Variants in AFDN observed in about 807,000 individuals in gnomAD.
AFDN encodes the protein afadin.
In AFDN, 68 loss-of-function variants were observed where a neutral mutation model predicts 216.6. That is an observed-to-expected ratio of 0.31 (90% CI 0.26 to 0.38). The LOEUF (loss-of-function observed/expected upper bound fraction) is 0.38. Among genes scored for constraint, AFDN ranks in the 10% least tolerant of loss-of-function variants. The pLI is 1.00. For synonymous variants in AFDN, 868 were observed against 853.7 expected, an observed-to-expected ratio of 1.02 and a Z score of -0.29; for missense variants, 2,136 against 2,342.0, an observed-to-expected ratio of 0.91 and a Z score of 1.82.
At chr6:167,954,749 G>GATTCCGTGT (rs1217410556) in intron 30 of AFDN, among the ~76,000 whole-genome samples, 1 of 152,158 alleles carries the variant, frequency 6.6e-6, no homozygotes, top group African/African-American at 2.4e-5. Flanking sequence ...GTCATAAATT[G>GATTCCGTGT]ATTCCGTGTA....
intron 19 of AFDN, among the ~76,000 whole-genome samples, chr6:167,916,506 ATAAT>A (rs988078156): frequency 2.0e-5 from 3 of 152,192 alleles, no homozygotes; most frequent in Non-Finnish European, 4.4e-5. Flanking sequence ...AAAATGGATG[ATAAT>A]TAACCCTCAA....
chr6:167,957,599 C>T (rs147073788), intron 30 of AFDN, among the ~76,000 whole-genome samples: 143 of 152,318 alleles, frequency 9.4e-4, no homozygotes, highest in African/African-American at 3.3e-3. Context: ...CCCATTGTGT[C>T]GTTAGGGCTT....
chr6:167,897,074 C>A, intron 10 of AFDN, 102 bp downstream of exon 10: 1 of 530,022 alleles, frequency 1.9e-6, no homozygotes, highest in East Asian at 3.5e-5. Context: ...TTATAATTAC[C>A]GACTTGTATT....
At chr6:167,948,600 T>C (rs909090465) in intron 29 of AFDN, 122 bp downstream of exon 29, 1 of 950,274 alleles carries the variant, frequency 1.1e-6, no homozygotes, top group Non-Finnish European at 1.5e-6. Context: ...CCTTTAATGG[T>C]TTTGTGGTTA....
At chr6:167,947,459 T>A (rs7761318) in intron 27 of AFDN, among the ~76,000 whole-genome samples, 1 of 152,044 alleles carries the variant, frequency 6.6e-6, no homozygotes, top group Non-Finnish European at 1.5e-5. Flanking sequence ...GATTACAGGC[T>A]TGAGCCACCA....
intron 1 of AFDN, among the ~76,000 whole-genome samples, chr6:167,829,140 T>C (rs1252080701): frequency 6.6e-6 from 1 of 152,180 alleles, no homozygotes; most frequent in African/African-American, 2.4e-5. Flanking sequence ...ATCTGAACAT[T>C]TCCATTTTTA....
chr6:167,832,582 G>A (rs1376000421), intron 1 of AFDN, among the ~76,000 whole-genome samples: 2 of 152,180 alleles, frequency 1.3e-5, no homozygotes, highest in Admixed American at 1.3e-4. Flanking sequence ...AATAAAGTGA[G>A]AATAAGCATA....
chr6:167,868,954 T>C (rs1483334558), intron 2 of AFDN, among the ~76,000 whole-genome samples: 5 of 151,412 alleles, frequency 3.3e-5, no homozygotes, highest in Non-Finnish European at 7.4e-5. Context: ...TTTTTTTTTT[T>C]CTGTGGAAAT....
At chr6:167,872,153 G>C in intron 3 of AFDN, 61 bp from the exon 4 acceptor site, 1 of 1,516,442 alleles carries the variant, frequency 6.6e-7, no homozygotes, top group Non-Finnish European at 8.9e-7. Flanking sequence ...TACCTAAGCC[G>C]TAGGCAATTT....
chr6:167,962,323 T>A lies in AFDN; in HGVS notation c.4834-110T>A, dbSNP rs533285008. ...TAACCTGGTATTTTATATTTAACTT[T>A]CTGTGTGTGTGTGTTTGTGTATATG... On this transcript the variant is annotated intron_variant, in intron 30 of 33. Coordinates refer to ENST00000683244, the MANE Select transcript of AFDN (RefSeq NM_001386888.1). This position sits in a 1 kb window ranked among gnomAD's most constrained non-coding sequence, Gnocchi z 5.2. 95 of 1,392,108 alleles carry A rather than the reference T, an allele frequency of 6.8e-5. 1 individual carries two copies. In the South Asian group the frequency reaches 1.5e-3, roughly 22 times the overall value. 86.2% of individuals were successfully genotyped at this position (1,392,108 alleles called of 1,614,324 possible).
At chr6:167,873,644 G>C (rs139331749) in intron 4 of AFDN, among the ~76,000 whole-genome samples, 87 of 152,312 alleles carry the variant, frequency 5.7e-4, no homozygotes, top group African/African-American at 2.0e-3. Flanking sequence ...TACTGTCATG[G>C]AGCCCAGAAG....
Position 167,907,051 on chromosome 6 carries a change from T to G in AFDN, c.1651-120T>G, listed in dbSNP as rs1442009190. On this transcript the variant is annotated intron_variant, in intron 12 of 33. Coordinates refer to ENST00000683244, the MANE Select transcript of AFDN (RefSeq NM_001386888.1). ...CCAGCATTGCTTTGTTATTTCCTGGTCTGTGTTCTTGCCTGCCCTGCTTGG... is the reference window on the plus strand; with the variant it reads ...CCAGCATTGCTTTGTTATTTCCTGGGCTGTGTTCTTGCCTGCCCTGCTTGG... 6 of 690,288 alleles carry G rather than the reference T, an allele frequency of 8.7e-6. No homozygotes were observed. In the East Asian group the frequency reaches 1.6e-4, roughly 18 times the overall value. The allele number at this position is 690,288 out of a possible 1,614,324, so 42.8% of individuals were successfully genotyped here.
At position 167,915,428 on chromosome 6, in the gene AFDN, G is replaced by C; in HGVS notation, c.2560G>C (p.Val854Leu). 6.2e-7 allele frequency: 1 copy of C among 1,606,744 alleles called. No homozygotes were observed. The highest frequency in any genetic ancestry group is 1.3e-5 in the African/African-American group (1 of 74,944). The change falls in exon 19 of 34, where the codon GTG becomes CTG. Residue 854 changes from valine (V) to leucine (L), a missense_variant. Around this residue, in one of 8 missense-constraint regions of AFDN, gnomAD observed 162 missense variants for 182.6 expected, o/e 0.89. Transcript: ENST00000683244. ...TGCGGACTGTCATCTGAGCAGGATCGTGCAGGTGATTGCTGGTGCCACTCC... is the reference window on the plus strand; with the variant it reads ...TGCGGACTGTCATCTGAGCAGGATCCTGCAGGTGATTGCTGGTGCCACTCC... ...LAADCHLSRI[V>L]QATTLLTMDK...
chr6:167,963,894 T>C, intron 31 of AFDN: 1 of 1,064,406 alleles, frequency 9.4e-7, no homozygotes, highest in Non-Finnish European at 1.1e-6. Flanking sequence ...AAGCGCTCCC[T>C]GGCTGCTTGG....
chr6:167,956,821 C>T (rs757388143), intron 30 of AFDN, among the ~76,000 whole-genome samples: 31 of 152,146 alleles, frequency 2.0e-4, no homozygotes, highest in Non-Finnish European at 3.8e-4. Flanking sequence ...TCTGTGCCCC[C>T]GTGACCAGAG....
At chr6:167,914,096 A>C in intron 16 of AFDN, 72 bp from the exon 17 acceptor site, 1 of 1,544,118 alleles carries the variant, frequency 6.5e-7, no homozygotes, top group African/African-American at 1.4e-5. Flanking sequence ...GCAGCTTTTC[A>C]AGAGCATTCC....
intron 32 of AFDN, among the ~76,000 whole-genome samples, chr6:167,968,216 T>G (rs1797749837): frequency 6.6e-6 from 1 of 152,220 alleles, no homozygotes; most frequent in African/African-American, 2.4e-5. Flanking sequence ...ATGCGGTAAT[T>G]TATCTAAAGG....
At chr6:167,922,000 A>G (rs78236378) in intron 21 of AFDN, among the ~76,000 whole-genome samples, 3,001 of 152,286 alleles carry the variant, frequency 0.02, 55 homozygotes, top group Non-Finnish European at 0.033. Context: ...AGTCCAAGCC[A>G]TTAGACCACT....
rs1305156021 is a variant in AFDN at position 167,875,479 on chromosome 6, T to C, written c.723T>C (p.Asp241=). 1 of 1,613,838 alleles carries C rather than the reference T, an allele frequency of 6.2e-7. No homozygotes were observed. Among genetic ancestry groups the C allele is most frequent in the East Asian group, 2.2e-5 (1 of 44,876 alleles). ...EKRMQEFRSS[D]GRPDSGGTLR... Reference sequence around the variant, plus strand: ...GAATGCAGGAATTTCGGAGCTCAGATGGGCGGCCTGATTCAGGTACAACTT... The same window carrying C: ...GAATGCAGGAATTTCGGAGCTCAGACGGGCGGCCTGATTCAGGTACAACTT... Residue 241 remains aspartate (D), a synonymous_variant, in exon 5 of 34, where the codon GAT becomes GAC. Coordinates refer to ENST00000683244, the MANE Select transcript of AFDN (RefSeq NM_001386888.1).
Sources: gnomAD v4.1 joint callset for allele counts (sites outside exome capture counted in the v4.1 genomes callset) on GRCh38, gnomAD v4.1.1 for gene constraint, gnomAD v4.1.1 regional missense constraint, Gnocchi (gnomAD v3.1) non-coding constraint, MANE v1.5 for transcripts, NCBI Gene and HGNC (gene_info 2026-07-23, HGNC 2026-07-21) for gene names.